The following ABHD6 variants were observed in gnomAD, a reference collection of about 807,000 sequenced individuals.
ABHD6 encodes abhydrolase domain containing 6, acylglycerol lipase, also known as monoacylglycerol lipase ABHD6.
In ABHD6, 33 loss-of-function variants were observed where a neutral mutation model predicts 38.8. The ratio of observed to expected loss-of-function variants is 0.85; its 90% CI spans 0.64 to 1.14. The LOEUF is 1.14. ABHD6 is among the 50% of genes most tolerant of loss of function. The pLI, the probability that ABHD6 is intolerant of heterozygous loss-of-function variation, is 0.00. For missense variants in ABHD6, 380 were observed against 422.6 expected, an observed-to-expected ratio of 0.90 and a Z score of 0.88; for synonymous variants, 147 against 161.6, an observed-to-expected ratio of 0.91 and a Z score of 0.69.
In ABHD6 at chr3:58,285,584, C is replaced by T. The variant is rs569746062; in HGVS notation, c.837+131C>T. The T allele has an allele frequency of 1.0e-5, 8 of 768,414 alleles. No homozygotes were observed. The East Asian group carries it at 2.1e-4, about 20-fold the overall frequency. The allele number at this position is 768,414 out of a possible 1,614,324, so 47.6% of individuals were successfully genotyped here. A position where few individuals can be genotyped will look rare whatever the true frequency, so the allele number is the denominator to read the frequency against. On this transcript the variant is annotated intron_variant, in intron 9 of 9. Transcript: ENST00000478253. This position sits in a 1 kb window ranked among gnomAD's most constrained non-coding sequence, Gnocchi z 4.9. ...GCTGTCAGGAAGAGGGGGAAGGCAC[C>T]TGTGTTGGGTGCCAGTGTTGACAGT...
rs2097465992 is a variant in ABHD6, at chr3:58,294,484, A to G, written c.*719A>G. 1 of 152,626 alleles carries G rather than the reference A, an allele frequency of 6.6e-6. No homozygotes were observed. The highest frequency in any genetic ancestry group is 2.4e-5 in the African/African-American group (1 of 41,444). 9.5% of individuals were successfully genotyped at this position (152,626 alleles called of 1,614,324 possible). A position where few individuals can be genotyped will look rare whatever the true frequency, so the allele number is the denominator to read the frequency against. ...CTAGGAATAATTTATTATTTTTAAAAATAGGCCTAATAAAGCAATAATGTT... is the reference window on the plus strand; with the variant it reads ...CTAGGAATAATTTATTATTTTTAAAGATAGGCCTAATAAAGCAATAATGTT... On this transcript the variant is annotated 3_prime_UTR_variant, in exon 10 of 10. Transcript: ENST00000478253.
chr3:58,252,852 C>CT (rs999571831), intron 2 of ABHD6, among the ~76,000 whole-genome samples: 1 of 152,172 alleles, frequency 6.6e-6, no homozygotes, highest in African/African-American at 2.4e-5. Flanking sequence ...GGGGAGCTGT[C>CT]TTTTTAAAGG....
intron 7 of ABHD6, among the ~76,000 whole-genome samples, chr3:58,276,825 C>A (rs1045525375): frequency 5.3e-5 from 8 of 152,196 alleles, no homozygotes; most frequent in Admixed American, 1.3e-4. Context: ...TTTCAGCTTT[C>A]TACATATGGC....
In ABHD6 at chr3:58,257,465, C is replaced by T. The variant is rs925531401; in HGVS notation, c.119+760C>T. 1.3e-5 allele frequency among the ~76,000 whole-genome samples: 2 copies of T among 151,806 alleles called. No individual in the cohort carries two copies. Among genetic ancestry groups the T allele is most frequent in the Non-Finnish European group, 2.9e-5 (2 of 67,976 alleles). On this transcript the variant is annotated intron_variant, in intron 3 of 9. Coordinates refer to ENST00000478253, the MANE Select transcript of ABHD6 (RefSeq NM_001320126.2). This position sits in a 1 kb window ranked among gnomAD's most constrained non-coding sequence, Gnocchi z 4.8. ...GCAACCTCTGCCTCCCAGGCTCAAG[C>T]GATTCTCTTGCCTCAGCCTCCCAAG...
chr3:58,276,926 A>G (rs1313343386), intron 7 of ABHD6, among the ~76,000 whole-genome samples: 1 of 152,026 alleles, frequency 6.6e-6, no homozygotes, highest in Non-Finnish European at 1.5e-5. Context: ...ATGGTTATAG[A>G]TGTGTGGTGT....
chr3:58,276,140 A>G (rs1017624728), intron 7 of ABHD6, among the ~76,000 whole-genome samples: 7 of 152,156 alleles, frequency 4.6e-5, no homozygotes, highest in African/African-American at 1.7e-4. Context: ...TAGTAATGGG[A>G]TTGCTGGGTC....
At chr3:58,275,089 T>G (rs373122776) in intron 7 of ABHD6, among the ~76,000 whole-genome samples, 1 of 152,262 alleles carries the variant, frequency 6.6e-6, no homozygotes, top group East Asian at 1.9e-4. Context: ...GTCATGAGTT[T>G]TATAGCAGAA....
At chr3:58,271,164 T>C in intron 6 of ABHD6, 100 bp downstream of exon 6, 4 of 1,343,734 alleles carry the variant, frequency 3.0e-6, no homozygotes, top group East Asian at 2.5e-5. Context: ...ATCTTTTTGA[T>C]GTATGCTTGA....
At chr3:58,252,046 T>G (rs2097430244) in intron 2 of ABHD6, among the ~76,000 whole-genome samples, 1 of 151,816 alleles carries the variant, frequency 6.6e-6, no homozygotes, top group Non-Finnish European at 1.5e-5. Flanking sequence ...GAAGCCAAGG[T>G]CTCCCAGCTG....
intron 3 of ABHD6, among the ~76,000 whole-genome samples, chr3:58,262,093 A>C (rs1236500510): frequency 2.0e-5 from 3 of 152,216 alleles, no homozygotes; most frequent in Admixed American, 1.3e-4. Context: ...ACCAGACACA[A>C]AAGGACAAAT....
Position 58,249,715 on chromosome 3 carries a change from C to T in ABHD6, c.-90-163C>T, listed in dbSNP as rs115275176. ...GCCTCACTGGGGGAGGTGACCTGAA[C>T]AAGAGGCATAGTATAAAGCCACAAG... On this transcript the variant is annotated intron_variant, in intron 1 of 9. Transcript: ENST00000478253. 5.9e-3 allele frequency among the ~76,000 whole-genome samples: 893 copies of T among 152,308 alleles called. 10 individuals carry two copies. The highest frequency in any genetic ancestry group is 0.02 in the African/African-American group (848 of 41,576).
intron 1 of ABHD6, among the ~76,000 whole-genome samples, chr3:58,245,477 T>C (rs1012741273): frequency 1.3e-5 from 2 of 150,622 alleles, no homozygotes; most frequent in Admixed American, 6.6e-5. Context: ...CTTCACCTCA[T>C]TTAGAAAGGC....
At chr3:58,272,207 A>T (rs563149043) in intron 6 of ABHD6, among the ~76,000 whole-genome samples, 1 of 152,192 alleles carries the variant, frequency 6.6e-6, no homozygotes, top group Admixed American at 6.5e-5. Flanking sequence ...TGCAGTTACC[A>T]TGCAGGTCAA....
intron 9 of ABHD6, among the ~76,000 whole-genome samples, chr3:58,290,864 G>T (rs1256750574): frequency 1.3e-5 from 2 of 148,948 alleles, no homozygotes; most frequent in East Asian, 4.1e-4. Flanking sequence ...ATGGGATGGC[G>T]GCCGGGCAGA....
In ABHD6 at chr3:58,259,523, T is replaced by C. The variant is rs2097435604; in HGVS notation, c.119+2818T>C. Among the ~76,000 whole-genome samples the C allele has an allele frequency of 1.3e-5, 2 of 151,904 alleles. No homozygotes were observed. Among genetic ancestry groups the C allele is most frequent in the South Asian group, 2.1e-4 (1 of 4,810 alleles). On this transcript the variant is annotated intron_variant, in intron 3 of 9. Coordinates refer to ENST00000478253, the MANE Select transcript of ABHD6 (RefSeq NM_001320126.2). The surrounding 1 kb of genome is among the most constrained non-coding windows in gnomAD (Gnocchi z 4.7). ...GGCGAAACCCCGTCTCTACTAAAAA[T>C]ACAAAAAATTAGCCAGGCATGGTGG...
intron 9 of ABHD6, among the ~76,000 whole-genome samples, chr3:58,288,244 C>T (rs1024163428): frequency 7.2e-5 from 11 of 152,286 alleles, no homozygotes; most frequent in African/African-American, 2.6e-4. Flanking sequence ...AGCACCTGCC[C>T]CTACCAGGCC....
rs3773002 is a variant in ABHD6 at position 58,263,792 on chromosome 3, G to A, written c.120-3397G>A. The stretch of plus-strand genomic sequence containing the variant: ...TAGAGAATTTGATGATTATAAAAAC[G>A]TAACCCATTCGAGCCCCACTCCCAG... On this transcript the variant is annotated intron_variant, in intron 3 of 9. Transcript: ENST00000478253. This position sits in a 1 kb window ranked among gnomAD's most constrained non-coding sequence, Gnocchi z 4.9. 6.7e-4 allele frequency among the ~76,000 whole-genome samples: 102 copies of A among 152,036 alleles called. 1 individual carries two copies. In the East Asian group the frequency reaches 0.016, roughly 24 times the overall value.
chr3:58,255,015 G>A (rs1015220235), intron 2 of ABHD6, among the ~76,000 whole-genome samples: 6 of 151,948 alleles, frequency 3.9e-5, no homozygotes, highest in African/African-American at 7.3e-5. Flanking sequence ...ACGGAACCCA[G>A]CCTGAAGTAT....
intron 9 of ABHD6, among the ~76,000 whole-genome samples, chr3:58,286,852 G>GTATGTATATATATATATATATATA: frequency 1.4e-5 from 1 of 70,648 alleles, no homozygotes; most frequent in South Asian, 7.3e-4. Context: ...GTGTGTGTGT[G>GTATGTATATATATATATATATATA]TATATATATA....
Sources: allele counts gnomAD v4.1 joint callset (sites outside exome capture counted in the v4.1 genomes callset), GRCh38; gene constraint gnomAD v4.1.1; non-coding constraint Gnocchi (gnomAD v3.1); transcripts MANE v1.5; gene names NCBI Gene and HGNC (gene_info 2026-07-23, HGNC 2026-07-21).